Variants in ZDHHC2 observed in about 807,000 individuals in gnomAD.
The protein encoded by ZDHHC2 is zDHHC palmitoyltransferase 2.
A neutral mutation model predicts 55.6 loss-of-function variants in ZDHHC2; 51 were observed. The observed-to-expected ratio is 0.92, with a 90% confidence interval of 0.73 to 1.16. The LOEUF (loss-of-function observed/expected upper bound fraction) is 1.16, where lower values mean the gene tolerates loss of function less well. Ranked by LOEUF, ZDHHC2 falls within the 50% of genes most tolerant of loss-of-function variation. The pLI, the probability that ZDHHC2 is intolerant of heterozygous loss-of-function variation, is 0.00. For synonymous variants in ZDHHC2, 199 were observed against 152.9 expected (o/e 1.30, Z -2.22); for missense variants, 491 against 442.4 (o/e 1.11, Z -0.99).
chr8:17,184,642 C>G, intron 1 of ZDHHC2, 147 bp from the exon 2 acceptor site: 1 of 690,142 alleles, frequency 1.4e-6, no homozygotes, highest in South Asian at 2.2e-5. Flanking sequence ...GTGCTCACCT[C>G]TCCTCCAAAT....
chr8:17,185,539 G>T (rs536514694), intron 2 of ZDHHC2, among the ~76,000 whole-genome samples: 1 of 152,074 alleles, frequency 6.6e-6, no homozygotes, highest in South Asian at 2.1e-4. Context: ...GTGAGGTGGG[G>T]CATGCCTGTA....
At position 17,215,326 on chromosome 8, in the gene ZDHHC2, T is replaced by C; in HGVS notation, c.1040T>C (p.Ile347Thr). Reference sequence around the variant, plus strand: ...TCTCAGTCTTGGACGGAGAGCAGCATAAACCCAGGAAAATGCAAAGCTGGT... The same window carrying C: ...TCTCAGTCTTGGACGGAGAGCAGCACAAACCCAGGAAAATGCAAAGCTGGT... ...TDSQSWTESS[I>T]NPGKCKAGMS... Residue 347 changes from isoleucine to threonine, a missense_variant, in exon 11 of 13, where the codon ATA becomes ACA. By Grantham distance (89) the Ile-to-Thr change is moderately conservative (BLOSUM62 -1). Coordinates refer to ENST00000262096, the MANE Select transcript of ZDHHC2 (RefSeq NM_016353.5). The C allele has an allele frequency of 1.3e-6, 2 of 1,587,362 alleles. No homozygotes were observed. Among genetic ancestry groups the C allele is most frequent in the Non-Finnish European group, 8.6e-7 (1 of 1,166,066 alleles).
intron 1 of ZDHHC2, among the ~76,000 whole-genome samples, chr8:17,167,191 A>G (rs1017768386): frequency 1.3e-5 from 2 of 152,076 alleles, no homozygotes; most frequent in African/African-American, 4.8e-5. Flanking sequence ...CAGGGTGGAC[A>G]TCTCAAGCAA....
chr8:17,173,924 A>G (rs139733996), intron 1 of ZDHHC2, among the ~76,000 whole-genome samples: 29 of 152,198 alleles, frequency 1.9e-4, no homozygotes, highest in African/African-American at 2.9e-4. Context: ...CCCTTATCCA[A>G]CGTGACTTGC....
At chr8:17,163,804 TAGAA>T (rs558240644) in intron 1 of ZDHHC2, among the ~76,000 whole-genome samples, 2 of 152,340 alleles carry the variant, frequency 1.3e-5, no homozygotes, top group East Asian at 3.9e-4. Flanking sequence ...TAAAGATGAT[TAGAA>T]AGACAGTTTT....
chr8:17,210,137 G>T (rs1807304383), intron 9 of ZDHHC2, 79 bp downstream of exon 9: 1 of 1,459,564 alleles, frequency 6.9e-7, no homozygotes, highest in African/African-American at 1.4e-5. Flanking sequence ...AAAGCCTCTA[G>T]TTCCATAGGC....
intron 3 of ZDHHC2, among the ~76,000 whole-genome samples, chr8:17,192,545 GC>G (rs1806087403): frequency 1.3e-5 from 2 of 152,140 alleles, no homozygotes. Context: ...ATGGGGAGTT[GC>G]CAAATACTTT....
At chr8:17,188,329 T>G (rs1805831602) in intron 3 of ZDHHC2, among the ~76,000 whole-genome samples, 1 of 151,912 alleles carries the variant, frequency 6.6e-6, no homozygotes, top group South Asian at 2.1e-4. Context: ...CTATTGTGAT[T>G]CCATATATCC....
chr8:17,214,449 A>C (rs1241048363), intron 10 of ZDHHC2, among the ~76,000 whole-genome samples: 1 of 152,152 alleles, frequency 6.6e-6, no homozygotes, highest in African/African-American at 2.4e-5. Context: ...TTTTTCCTCA[A>C]CTTTGTCTTC....
chr8:17,177,809 AT>A (rs1271567695), intron 1 of ZDHHC2, among the ~76,000 whole-genome samples: 1 of 151,646 alleles, frequency 6.6e-6, no homozygotes, highest in African/African-American at 2.4e-5. Context: ...GGTATTCTTC[AT>A]TATCAGATGT....
At chr8:17,196,659 T>G (rs1806328029) in intron 4 of ZDHHC2, among the ~76,000 whole-genome samples, 1 of 151,734 alleles carries the variant, frequency 6.6e-6, no homozygotes, top group Admixed American at 6.6e-5. Context: ...TCTCAGCACT[T>G]TGGGAGGCCG....
intron 1 of ZDHHC2, among the ~76,000 whole-genome samples, chr8:17,171,083 C>T (rs1563142372): frequency 6.6e-6 from 1 of 152,080 alleles, no homozygotes; most frequent in African/African-American, 2.4e-5. Flanking sequence ...CATGGTTCTA[C>T]TGAGTCAGTC....
chr8:17,215,022 G>A (rs1807578529), intron 10 of ZDHHC2, among the ~76,000 whole-genome samples: 1 of 152,162 alleles, frequency 6.6e-6, no homozygotes, highest in South Asian at 2.1e-4. Context: ...CTTATGGTAA[G>A]CAGAAGAAGG....
chr8:17,217,133 A>G, intron 11 of ZDHHC2, 39 bp from the exon 12 acceptor site: 1 of 1,603,342 alleles, frequency 6.2e-7, no homozygotes, highest in Non-Finnish European at 8.5e-7. Context: ...TATTTGTTCA[A>G]AAGCAACCAA....
chr8:17,161,950 A>T (rs1804364582), intron 1 of ZDHHC2, among the ~76,000 whole-genome samples: 2 of 152,258 alleles, frequency 1.3e-5, no homozygotes, highest in Admixed American at 1.3e-4. Context: ...ATTGTTGAAT[A>T]TTTTAAAGAT....
chr8:17,205,552 C>A, intron 6 of ZDHHC2, 103 bp from the exon 7 acceptor site: 2 of 1,259,382 alleles, frequency 1.6e-6, no homozygotes, highest in South Asian at 2.0e-5. Context: ...TAAAGAAATG[C>A]CAATAAATTA....
intron 3 of ZDHHC2, 70 bp downstream of exon 3, chr8:17,186,495 G>C: frequency 1.1e-6 from 1 of 923,156 alleles, no homozygotes; most frequent in South Asian, 2.4e-5. Context: ...ATTGAAGAAC[G>C]AATTTTATTT....
Position 17,166,298 on chromosome 8 carries a change from CACAG to C in ZDHHC2, c.130+9451_130+9454del, listed in dbSNP as rs1417728126. Among the ~76,000 whole-genome samples the C allele has an allele frequency of 4.6e-5, 7 of 152,132 alleles. No individual in the cohort carries two copies. The South Asian group carries it at 1.2e-3, about 27-fold the overall frequency. On this transcript the variant is annotated intron_variant, in intron 1 of 12. Coordinates refer to ENST00000262096, the MANE Select transcript of ZDHHC2 (RefSeq NM_016353.5). Reference sequence around the variant, plus strand: ...TTTTTACAGTAGCGACAGCAGAACTCACAGACAGATTTGAGTTGTGTAAGAAAGA... The same window carrying C: ...TTTTTACAGTAGCGACAGCAGAACTCACAGATTTGAGTTGTGTAAGAAAGA...
chr8:17,210,297 C>G, intron 9 of ZDHHC2, 91 bp from the exon 10 acceptor site: 1 of 1,317,376 alleles, frequency 7.6e-7, no homozygotes, highest in Non-Finnish European at 1.1e-6. Flanking sequence ...TAGAGTATAG[C>G]ATGTTCTGCT....
Sources: allele counts gnomAD v4.1 joint callset (sites outside exome capture counted in the v4.1 genomes callset), GRCh38; gene constraint gnomAD v4.1.1; transcripts MANE v1.5; gene names NCBI Gene and HGNC (gene_info 2026-07-23, HGNC 2026-07-21).